Variants in FLT1 observed in about 807,000 individuals in gnomAD.
The protein encoded by FLT1 is fms related receptor tyrosine kinase 1.
A neutral mutation model predicts 156.3 loss-of-function variants in FLT1; 49 were observed. The observed-to-expected ratio is 0.31, with a 90% CI of 0.25 to 0.40. FLT1 has a LOEUF of 0.40. Ranked by LOEUF, FLT1 falls within the 10% of genes least tolerant of loss-of-function variation. The pLI is 1.00. For missense variants in FLT1, 1,322 were observed against 1,637.2 expected (o/e 0.81, Z 3.32); for synonymous variants, 594 against 583.8 (o/e 1.02, Z -0.25).
intron 1 of FLT1, among the ~76,000 whole-genome samples, chr13:28,473,341 A>G (rs988273417): frequency 2.0e-5 from 3 of 152,236 alleles, no homozygotes; most frequent in Admixed American, 1.3e-4. Context: ...ATTACCTATA[A>G]CAGCCAAAAA....
At chr13:28,348,962 A>C (rs1435261794) in intron 15 of FLT1, among the ~76,000 whole-genome samples, 1 of 151,776 alleles carries the variant, frequency 6.6e-6, no homozygotes, top group East Asian at 1.9e-4. Flanking sequence ...GTTCCTGTGT[A>C]TTACTTCATA....
chr13:28,302,731 G>A lies in FLT1; in HGVS notation c.*436C>T, dbSNP rs556402254. The A allele has an allele frequency of 2.0e-4, 50 of 245,350 alleles. No individual in the cohort carries two copies. The highest frequency in any genetic ancestry group is 9.9e-4 in the African/African-American group (45 of 45,552). The allele number at this position is 245,350 out of a possible 1,614,324, so 15.2% of individuals were successfully genotyped here. ...GTCTTAGGCCTGCTAGAGGACTCCCGAGATGTTGCTCAGGCCAGCCAGTGA... is the reference window on the plus strand; with the variant it reads ...GTCTTAGGCCTGCTAGAGGACTCCCAAGATGTTGCTCAGGCCAGCCAGTGA... On this transcript the variant is annotated 3_prime_UTR_variant, in exon 30 of 30. Transcript: ENST00000282397.
At position 28,345,436 on chromosome 13, in the gene FLT1, T is replaced by C. The variant is rs1032609616; in HGVS notation, c.2355+9A>G. 6.5e-7 allele frequency: 1 copy of C among 1,548,054 alleles called. No homozygotes were observed. The highest frequency in any genetic ancestry group is 8.9e-7 in the Non-Finnish European group (1 of 1,122,042). ...AAAAAGGAGCATAGAACATCACCTATGTTCTTACCCTTTTCATTTTTCGGA... is the reference window on the plus strand; with the variant it reads ...AAAAAGGAGCATAGAACATCACCTACGTTCTTACCCTTTTCATTTTTCGGA... On this transcript the variant is annotated intron_variant, in intron 16 of 29. Coordinates refer to ENST00000282397, the MANE Select transcript of FLT1 (RefSeq NM_002019.4).
At position 28,323,326 on chromosome 13, in the gene FLT1, A is replaced by G. The variant is rs139450100; in HGVS notation, c.2797-380T>C. Among the ~76,000 whole-genome samples the G allele has an allele frequency of 7.7e-3, 1,180 of 152,318 alleles. 6 individuals carry two copies. Among genetic ancestry groups the G allele is most frequent in the Non-Finnish European group, 0.013 (851 of 68,020 alleles). ...ATACATGGAGAAACAGGTTCAGAGA[A>G]GTAAAGTAATCAAATTCACATGCAG... On this transcript the variant is annotated intron_variant, in intron 20 of 29. Coordinates refer to ENST00000282397, the MANE Select transcript of FLT1 (RefSeq NM_002019.4).
chr13:28,466,031 C>A (rs1329946217), intron 3 of FLT1, among the ~76,000 whole-genome samples: 1 of 152,100 alleles, frequency 6.6e-6, no homozygotes, highest in Admixed American at 6.6e-5. Context: ...GAAGTGCCTA[C>A]TAATATTGCT....
intron 10 of FLT1, among the ~76,000 whole-genome samples, chr13:28,416,819 A>G (rs1459918124): frequency 6.6e-6 from 1 of 152,216 alleles, no homozygotes; most frequent in Non-Finnish European, 1.5e-5. Flanking sequence ...CATACTCACA[A>G]GGGCTGATTT....
chr13:28,388,543 A>C, intron 13 of FLT1: 1 of 1,047,706 alleles, frequency 9.5e-7, no homozygotes, highest in Non-Finnish European at 1.2e-6. Flanking sequence ...ATTGGTGAAA[A>C]AGTCATTTTC....
intron 3 of FLT1, among the ~76,000 whole-genome samples, chr13:28,458,549 C>T (rs1879396002): frequency 6.6e-6 from 1 of 152,190 alleles, no homozygotes; most frequent in Admixed American, 6.5e-5. Flanking sequence ...TAGGAGAATA[C>T]AGGGTCTGGG....
intron 3 of FLT1, among the ~76,000 whole-genome samples, chr13:28,459,962 CA>C (rs1198725287): frequency 1.1e-4 from 16 of 152,098 alleles, no homozygotes; most frequent in South Asian, 2.1e-4. Context: ...CTGATCCCCA[CA>C]GGGGGAAAGT....
At chr13:28,431,933 A>C (rs1316450940) in intron 6 of FLT1, among the ~76,000 whole-genome samples, 1 of 152,130 alleles carries the variant, frequency 6.6e-6, no homozygotes, top group African/African-American at 2.4e-5. Flanking sequence ...CTATTTGAAC[A>C]GTGCTTGCCC....
chr13:28,449,535 G>C (rs1376388506), intron 3 of FLT1, among the ~76,000 whole-genome samples: 1 of 151,902 alleles, frequency 6.6e-6, no homozygotes, highest in Non-Finnish European at 1.5e-5. Flanking sequence ...AAATTCAAAG[G>C]TGATAAAAAA....
Position 28,303,248 on chromosome 13 carries a change from A to G in FLT1, c.3936T>C (p.Ala1312=), listed in dbSNP as rs112735765. Residue 1312 remains alanine (A), a synonymous_variant, in exon 30 of 30, where the codon GCT becomes GCC. Transcript: ENST00000282397. ...AGCACGCGATTTTCCTTTCCAGCTC[A>G]GCGTGGTCGTAGGTGAACCTGCGCT... ...EGKRRFTYDH[A]ELERKIACCS... is the part of the protein sequence containing the mutation. 6.3e-5 allele frequency: 102 copies of G among 1,613,898 alleles called. 1 individual carries two copies. The African/African-American group carries it at 8.3e-4, about 13-fold the overall frequency.
chr13:28,447,401 G>C (rs886993323), intron 3 of FLT1, among the ~76,000 whole-genome samples: 3 of 151,656 alleles, frequency 2.0e-5, no homozygotes, highest in African/African-American at 7.3e-5. Context: ...TGCCAGGGCT[G>C]GTCTCAAACT....
chr13:28,368,646 A>C, intron 14 of FLT1: 1 of 1,083,292 alleles, frequency 9.2e-7, no homozygotes, highest in East Asian at 2.6e-5. Context: ...GACGATGGTG[A>C]CGTTGATGTA....
intron 28 of FLT1, chr13:28,308,472 G>A: frequency 4.3e-5 from 14 of 328,466 alleles, no homozygotes; most frequent in Middle Eastern, 1.0e-3. Context: ...AAGGCTGCTT[G>A]CAGGAACGCG....
chr13:28,306,233 G>A (rs936805004), intron 29 of FLT1, among the ~76,000 whole-genome samples: 7 of 152,224 alleles, frequency 4.6e-5, no homozygotes, highest in South Asian at 2.1e-4. Context: ...AAATGGGAAA[G>A]TCATTCATCT....
intron 10 of FLT1, among the ~76,000 whole-genome samples, chr13:28,422,086 C>A (rs1414800787): frequency 6.6e-6 from 1 of 152,122 alleles, no homozygotes; most frequent in African/African-American, 2.4e-5. Flanking sequence ...GTGGTATTAC[C>A]TTTATGTTTT....
chr13:28,471,744 C>T lies in FLT1; in HGVS notation c.65-4127G>A, dbSNP rs77229024. Among the ~76,000 whole-genome samples the T allele has an allele frequency of 6.3e-3, 953 of 152,236 alleles. 6 individuals are homozygous for T. Among genetic ancestry groups the T allele is most frequent in the Middle Eastern group, 0.017 (5 of 294 alleles). On this transcript the variant is annotated intron_variant, in intron 1 of 29. Coordinates refer to ENST00000282397, the MANE Select transcript of FLT1 (RefSeq NM_002019.4). ...GAGAACTTTCTAATGCTTCACATGGCAGCCTAGAAATCTGATTTAAAAGAA... is the reference window on the plus strand; with the variant it reads ...GAGAACTTTCTAATGCTTCACATGGTAGCCTAGAAATCTGATTTAAAAGAA...
chr13:28,354,913 G>T (rs988298154), intron 15 of FLT1, among the ~76,000 whole-genome samples: 3 of 152,012 alleles, frequency 2.0e-5, no homozygotes, highest in African/African-American at 7.2e-5. Flanking sequence ...AAATGATATG[G>T]CTAACAGAAA....
Sources: allele counts gnomAD v4.1 joint callset (sites outside exome capture counted in the v4.1 genomes callset), GRCh38; gene constraint gnomAD v4.1.1; transcripts MANE v1.5; gene names NCBI Gene and HGNC (gene_info 2026-07-23, HGNC 2026-07-21).